SH3RF2: variants seen among roughly 807,000 people sequenced by gnomAD.
The protein encoded by SH3RF2 is E3 ubiquitin-protein ligase SH3RF2.
A neutral mutation model predicts 59.0 loss-of-function variants in SH3RF2; 43 were observed. That is an observed-to-expected ratio of 0.73 (90% CI 0.57 to 0.94). The LOEUF is 0.94. Ranked by LOEUF, SH3RF2 falls within the 40% of genes least tolerant of loss-of-function variation. The pLI is 0.00. For missense variants in SH3RF2, 930 were observed against 940.1 expected (o/e 0.99, Z 0.14); for synonymous variants, 391 against 391.5 (o/e 1.00, Z 0.01).
At chr5:145,994,773 T>G (rs1283777202) in intron 2 of SH3RF2, among the ~76,000 whole-genome samples, 1 of 152,158 alleles carries the variant, frequency 6.6e-6, no homozygotes, top group Non-Finnish European at 1.5e-5. Context: ...TTTTTTAATC[T>G]AAAAATTGAC....
At chr5:145,957,898 A>G (rs569771189) in intron 2 of SH3RF2, among the ~76,000 whole-genome samples, 1 of 152,318 alleles carries the variant, frequency 6.6e-6, no homozygotes, top group East Asian at 1.9e-4. Flanking sequence ...AGATCATTTT[A>G]GGGCAGGAGT....
chr5:146,055,937 C>T (rs1225483748), intron 7 of SH3RF2, 44 bp from the exon 8 acceptor site: 1 of 1,588,898 alleles, frequency 6.3e-7, no homozygotes, highest in Admixed American at 1.8e-5. Context: ...TGAACATTTT[C>T]TTTCTCTATT....
chr5:145,960,579 G>A (rs1366122073), intron 2 of SH3RF2, among the ~76,000 whole-genome samples: 1 of 152,178 alleles, frequency 6.6e-6, no homozygotes, highest in African/African-American at 2.4e-5. Context: ...CTAAAGTGCT[G>A]TGCCCCCTGG....
chr5:146,034,970 G>C (rs534845812), intron 5 of SH3RF2, among the ~76,000 whole-genome samples: 1 of 152,134 alleles, frequency 6.6e-6, no homozygotes, highest in African/African-American at 2.4e-5. Context: ...GCCAGGCGTG[G>C]TAGTGCACCC....
intron 2 of SH3RF2, among the ~76,000 whole-genome samples, chr5:145,942,764 T>C (rs1241839652): frequency 6.6e-6 from 1 of 152,188 alleles, no homozygotes; most frequent in Non-Finnish European, 1.5e-5. Context: ...TTCACACACA[T>C]TTACAAACAT....
intron 3 of SH3RF2, among the ~76,000 whole-genome samples, chr5:146,003,831 G>C (rs1760525707): frequency 6.6e-6 from 1 of 152,102 alleles, no homozygotes; most frequent in South Asian, 2.1e-4. Flanking sequence ...TTTCCTATTG[G>C]ATTCCATTGA....
intron 5 of SH3RF2, among the ~76,000 whole-genome samples, chr5:146,034,468 G>T (rs1191062365): frequency 2.0e-5 from 3 of 152,234 alleles, no homozygotes; most frequent in African/African-American, 2.4e-5. Flanking sequence ...ACCACACAGA[G>T]CCAGCAAGCA....
At chr5:146,011,262 ATGCTGTTTTGGTT>A (rs1306643576) in intron 4 of SH3RF2, among the ~76,000 whole-genome samples, 4 of 152,182 alleles carry the variant, frequency 2.6e-5, no homozygotes, top group Non-Finnish European at 5.9e-5. Context: ...TACCAGTACC[ATGCTGTTTTGGTT>A]ACTGTAGCCT....
chr5:146,039,789 G>C (rs1173177240), intron 5 of SH3RF2, among the ~76,000 whole-genome samples: 1 of 152,114 alleles, frequency 6.6e-6, no homozygotes, highest in Admixed American at 6.6e-5. Flanking sequence ...GTGCACAGGG[G>C]ACATGTACAA....
intron 2 of SH3RF2, among the ~76,000 whole-genome samples, chr5:145,969,901 G>A (rs1759008898): frequency 6.6e-6 from 1 of 152,024 alleles, no homozygotes; most frequent in East Asian, 1.9e-4. Flanking sequence ...TTGCTTATGA[G>A]GTAGCCTTGA....
At chr5:146,019,817 T>C (rs188324662) in intron 5 of SH3RF2, among the ~76,000 whole-genome samples, 1 of 152,192 alleles carries the variant, frequency 6.6e-6, no homozygotes, top group Non-Finnish European at 1.5e-5. Context: ...ATCTTTCACC[T>C]CCTTGGTTAA....
At chr5:146,054,880 A>G (rs1408041696) in intron 7 of SH3RF2, among the ~76,000 whole-genome samples, 1 of 152,242 alleles carries the variant, frequency 6.6e-6, no homozygotes, top group Non-Finnish European at 1.5e-5. Context: ...TGAGTTGGTT[A>G]TTCCCAGGAA....
chr5:145,968,961 C>A (rs968114365), intron 2 of SH3RF2, among the ~76,000 whole-genome samples: 1 of 152,134 alleles, frequency 6.6e-6, no homozygotes, highest in Admixed American at 6.5e-5. Flanking sequence ...GTATAGAGAA[C>A]ATATAATTCT....
chr5:145,997,846 C>T (rs1417083464), intron 2 of SH3RF2: 46 of 1,295,332 alleles, frequency 3.6e-5, no homozygotes, highest in South Asian at 3.3e-4. Flanking sequence ...GCAAAAACAA[C>T]TCACATCTTG....
exon 10 of SH3RF2, chr5:146,078,555 G>T (rs1763375954): frequency 6.6e-6 from 1 of 152,238 alleles, no homozygotes; most frequent in South Asian, 2.1e-4. Flanking sequence ...TCAATGGAGA[G>T]TTTGTGGACT....
chr5:146,014,314 C>T (rs922310365), intron 5 of SH3RF2, among the ~76,000 whole-genome samples: 1 of 152,184 alleles, frequency 6.6e-6, no homozygotes, highest in Non-Finnish European at 1.5e-5. Flanking sequence ...GGTTAAACAA[C>T]TTATCCAAAT....
At chr5:146,081,271 C>T (rs1389927514) in exon 10 of SH3RF2, 2 of 151,530 alleles carry the variant, frequency 1.3e-5, no homozygotes, top group Admixed American at 6.6e-5. Context: ...CCTGGGAGCA[C>T]GTATTTTTTT....
chr5:146,056,310 G>A, intron 8 of SH3RF2, 97 bp downstream of exon 8: 1 of 1,558,060 alleles, frequency 6.4e-7, no homozygotes, highest in Non-Finnish European at 8.7e-7. Context: ...CAGGATCTTG[G>A]CTTTAAACTA....
chr5:146,053,421 G>C (rs928768361), intron 7 of SH3RF2, among the ~76,000 whole-genome samples: 2 of 118,200 alleles, frequency 1.7e-5, no homozygotes, highest in African/African-American at 6.4e-5. Context: ...GTGTAGTCTT[G>C]GTGGGAGGCA....
Sources: gnomAD v4.1 joint callset for allele counts (sites outside exome capture counted in the v4.1 genomes callset) on GRCh38, gnomAD v4.1.1 for gene constraint, MANE v1.5 for transcripts, NCBI Gene and HGNC (gene_info 2026-07-23, HGNC 2026-07-21) for gene names.